RELN: variants seen among roughly 807,000 people sequenced by gnomAD.
RELN encodes the protein reelin.
A neutral mutation model predicts 427.6 loss-of-function variants in RELN; 108 were observed. The observed-to-expected ratio is 0.25, with a 90% CI of 0.22 to 0.30. The LOEUF is 0.30. Among genes scored for constraint, RELN ranks in the 10% least tolerant of loss-of-function variants. The pLI, the probability that RELN is intolerant of heterozygous loss-of-function variation, is 1.00. For missense variants in RELN, 3,715 were observed against 4,302.8 expected (o/e 0.86, Z 3.82); for synonymous variants, 1,524 against 1,513.4 (o/e 1.01, Z -0.16).
intron 3 of RELN, among the ~76,000 whole-genome samples, chr7:103,787,900 A>T (rs1792060016): frequency 6.6e-6 from 1 of 152,170 alleles, no homozygotes; most frequent in African/African-American, 2.4e-5. Context: ...ATTTCAGGCC[A>T]ATATCCCTGA....
rs17154254 is a variant in RELN at position 103,683,768 on chromosome 7, C to T, written c.1144-1507G>A. ...TTCTCTTCTTTAGAGTCTTAATAGA[C>T]TGACATATTACCAAAGAAAGGCTGC... On this transcript the variant is annotated intron_variant, in intron 10 of 64. Transcript: ENST00000428762. 6.9e-3 allele frequency among the ~76,000 whole-genome samples: 1,055 copies of T among 152,162 alleles called. 7 individuals carry two copies. The highest frequency in any genetic ancestry group is 0.024 in the African/African-American group (1,009 of 41,492).
chr7:103,890,469 C>T (rs1346522753), intron 2 of RELN, among the ~76,000 whole-genome samples: 1 of 152,098 alleles, frequency 6.6e-6, no homozygotes, highest in Non-Finnish European at 1.5e-5. Context: ...AAGCACAAAC[C>T]CTATTGTGAA....
At chr7:103,760,061 T>C (rs1791260440) in intron 4 of RELN, among the ~76,000 whole-genome samples, 1 of 145,968 alleles carries the variant, frequency 6.9e-6, no homozygotes, top group African/African-American at 2.5e-5. Context: ...CTGCATTCAA[T>C]TAATATTCAC....
chr7:103,737,916 T>C (rs79821324), intron 6 of RELN, among the ~76,000 whole-genome samples: 13 of 152,066 alleles, frequency 8.5e-5, no homozygotes, highest in African/African-American at 2.7e-4. Flanking sequence ...GGAGGTCTTC[T>C]TGTACCACAG....
intron 1 of RELN, among the ~76,000 whole-genome samples, chr7:103,946,147 T>A (rs1373447764): frequency 6.6e-6 from 1 of 152,244 alleles, no homozygotes; most frequent in South Asian, 2.1e-4. Flanking sequence ...GCTGAGCGCA[T>A]AATAGGTGCT....
At chr7:103,642,349 G>GGTTTTTTT (rs1562936417) in intron 16 of RELN, among the ~76,000 whole-genome samples, 1 of 112,736 alleles carries the variant, frequency 8.9e-6, no homozygotes, top group African/African-American at 3.5e-5. Flanking sequence ...ATTTCATAGT[G>GGTTTTTTT]TTTTTTTTTT....
Position 103,562,169 on chromosome 7 carries a change from T to C in RELN, c.5211-216A>G, listed in dbSNP as rs1830658883. On this transcript the variant is annotated intron_variant, in intron 34 of 64. Transcript: ENST00000428762. ...GAGAGTAGAAAGCATGTTATTTAAA[T>C]ATTTCACTATTTTTTTCATGTAAGA... 3.3e-5 allele frequency among the ~76,000 whole-genome samples: 5 copies of C among 152,232 alleles called. No individual in the cohort carries two copies. The South Asian group carries it at 1.0e-3, about 32-fold the overall frequency.
At chr7:103,716,926 G>C (rs1162275103) in intron 8 of RELN, among the ~76,000 whole-genome samples, 4 of 152,108 alleles carry the variant, frequency 2.6e-5, no homozygotes, top group Admixed American at 6.5e-5. Flanking sequence ...CATCAATAAT[G>C]AATTTCTTCT....
At position 103,833,525 on chromosome 7, in the gene RELN, T is replaced by TTGG. The variant is rs1563039993; in HGVS notation, c.473+9_473+11dup. On this transcript the variant is annotated intron_variant, in intron 3 of 64. Coordinates refer to ENST00000428762, the MANE Select transcript of RELN (RefSeq NM_005045.4). ...GCCTTCTGTACGTATGGCAGACACT[T>TTGG]TGGGTACTTACATGAAATTCACACA... The TTGG allele has an allele frequency of 6.2e-7, 1 of 1,613,186 alleles. No individual in the cohort carries two copies. Among genetic ancestry groups the TTGG allele is most frequent in the Non-Finnish European group, 8.5e-7 (1 of 1,179,206 alleles).
At chr7:103,751,302 A>C (rs943986340) in intron 5 of RELN, among the ~76,000 whole-genome samples, 1 of 152,212 alleles carries the variant, frequency 6.6e-6, no homozygotes, top group Non-Finnish European at 1.5e-5. Flanking sequence ...TAATTCTCTG[A>C]AATCACTGGG....
chr7:103,833,932 C>T (rs574747371), intron 2 of RELN, among the ~76,000 whole-genome samples: 22 of 152,082 alleles, frequency 1.4e-4, no homozygotes, highest in Non-Finnish European at 2.6e-4. Context: ...TTGATCTTTG[C>T]CTATCACCAA....
At chr7:103,542,698 T>C in intron 43 of RELN, 33 bp downstream of exon 43, 2 of 1,611,056 alleles carry the variant, frequency 1.2e-6, no homozygotes, top group Non-Finnish European at 1.7e-6. Context: ...CATTACGATG[T>C]GGTTTTTTTC....
intron 16 of RELN, among the ~76,000 whole-genome samples, chr7:103,647,960 C>A (rs139931692): frequency 2.0e-5 from 3 of 151,932 alleles, no homozygotes; most frequent in African/African-American, 7.2e-5. Flanking sequence ...GAAAGAACAC[C>A]CTATTCAATA....
intron 24 of RELN, among the ~76,000 whole-genome samples, chr7:103,602,605 C>T (rs1420673875): frequency 6.6e-6 from 1 of 152,162 alleles, no homozygotes; most frequent in African/African-American, 2.4e-5. Context: ...ACCACATGTT[C>T]TCACTCATAA....
At chr7:103,753,349 T>A in intron 4 of RELN, 135 bp from the exon 5 acceptor site, 1 of 819,638 alleles carries the variant, frequency 1.2e-6, no homozygotes, top group Non-Finnish European at 2.0e-6. Context: ...TTTAGTCTTT[T>A]TAGGAGTTTC....
intron 64 of RELN, among the ~76,000 whole-genome samples, chr7:103,476,894 GATTT>G (rs1586460270): frequency 6.6e-6 from 1 of 152,128 alleles, no homozygotes; most frequent in African/African-American, 2.4e-5. Context: ...AACTTTTAAA[GATTT>G]ATTTATTCAC....
At chr7:103,779,127 GTT>G (rs1167328259) in intron 3 of RELN, among the ~76,000 whole-genome samples, 4 of 152,184 alleles carry the variant, frequency 2.6e-5, no homozygotes, top group Admixed American at 6.5e-5. Context: ...TGCATCAGCA[GTT>G]TTCCAAATGT....
chr7:103,624,808 ATTTC>A (rs977141492), intron 20 of RELN, among the ~76,000 whole-genome samples: 1 of 152,082 alleles, frequency 6.6e-6, no homozygotes, highest in Non-Finnish European at 1.5e-5. Flanking sequence ...ACTTTAGGAA[ATTTC>A]TTTCTCTAAA....
chr7:103,588,876 A>G (rs1263510530), intron 28 of RELN, among the ~76,000 whole-genome samples: 2 of 152,200 alleles, frequency 1.3e-5, no homozygotes, highest in Admixed American at 6.5e-5. Context: ...CCTATTTGCT[A>G]TGCTATCTAT....
Sources: gnomAD v4.1 joint callset for allele counts (sites outside exome capture counted in the v4.1 genomes callset) on GRCh38, gnomAD v4.1.1 for gene constraint, MANE v1.5 for transcripts, NCBI Gene and HGNC (gene_info 2026-07-23, HGNC 2026-07-21) for gene names.